The following ELOVL7 variants were observed in gnomAD, a reference collection of about 807,000 sequenced individuals.
The protein encoded by ELOVL7 is ELOVL fatty acid elongase 7.
ELOVL7 carries 27 observed loss-of-function variants against 35.7 expected under a neutral mutation model. The ratio of observed to expected loss-of-function variants is 0.76; its 90% CI spans 0.56 to 1.04. The LOEUF is 1.04. Ranked by LOEUF, ELOVL7 falls within the 50% of genes least tolerant of loss-of-function variation. The probability of loss-of-function intolerance (pLI) is 0.00; values close to 1 mark genes in which losing one functional copy is unlikely to be tolerated. For synonymous variants in ELOVL7, 113 were observed against 114.6 expected (o/e 0.99, Z 0.09); for missense variants, 327 against 340.8 (o/e 0.96, Z 0.32).
chr5:60,765,991 G>C (rs945848002), intron 6 of ELOVL7, among the ~76,000 whole-genome samples: 2 of 152,092 alleles, frequency 1.3e-5, no homozygotes, highest in Non-Finnish European at 2.9e-5. Flanking sequence ...TTTGTGACAC[G>C]TGCTTCTCCC....
At position 60,811,283 on chromosome 5, in the gene ELOVL7, T is replaced by G. The variant is rs374598191; in HGVS notation, c.-85-12053A>C. On this transcript the variant is annotated intron_variant, in intron 1 of 8. Coordinates refer to ENST00000508821, the MANE Select transcript of ELOVL7 (RefSeq NM_024930.3). ...TATGTGTGTGTTTATGCACATACTA[T>G]ATATATACTACTATATATAGCATAG... Among the ~76,000 whole-genome samples the G allele has an allele frequency of 6.6e-4, 100 of 152,294 alleles. 4 individuals carry two copies. The South Asian group carries it at 0.02, about 31-fold the overall frequency.
At position 60,814,178 on chromosome 5, in the gene ELOVL7, G is replaced by A. The variant is rs571901650; in HGVS notation, c.-85-14948C>T. Among the ~76,000 whole-genome samples the A allele has an allele frequency of 1.5e-4, 23 of 152,242 alleles. No homozygotes were observed. The South Asian group carries it at 3.9e-3, about 26-fold the overall frequency. On this transcript the variant is annotated intron_variant, in intron 1 of 8. Coordinates refer to ENST00000508821, the MANE Select transcript of ELOVL7 (RefSeq NM_024930.3). Reference sequence around the variant, plus strand: ...TCTTTTGCAAAAAGAAAGCTGTCTTGATTAAAGTTTTAAAAATCGGTGGTT... The same window carrying A: ...TCTTTTGCAAAAAGAAAGCTGTCTTAATTAAAGTTTTAAAAATCGGTGGTT...
intron 7 of ELOVL7, among the ~76,000 whole-genome samples, chr5:60,763,471 T>G (rs1742046143): frequency 6.6e-6 from 1 of 152,214 alleles, no homozygotes; most frequent in Non-Finnish European, 1.5e-5. Flanking sequence ...GCTATAGGTC[T>G]ATTTGAAGAC....
chr5:60,836,448 A>G (rs1490757075), intron 1 of ELOVL7, among the ~76,000 whole-genome samples: 1 of 152,076 alleles, frequency 6.6e-6, no homozygotes, highest in East Asian at 1.9e-4. Flanking sequence ...AGCTAACTGA[A>G]TGATAAGCAG....
At chr5:60,756,133 G>T (rs776489463) in intron 8 of ELOVL7, among the ~76,000 whole-genome samples, 12 of 104,334 alleles carry the variant, frequency 1.2e-4, no homozygotes, top group Non-Finnish European at 1.2e-4. Flanking sequence ...GTGTATAATA[G>T]ACATATTTGA....
chr5:60,766,447 G>T, intron 6 of ELOVL7, 127 bp downstream of exon 6: 1 of 736,570 alleles, frequency 1.4e-6, no homozygotes, highest in South Asian at 2.3e-5. Flanking sequence ...TGCCTGAATA[G>T]GAGAAATAAC....
At chr5:60,762,000 G>C (rs1208030859) in intron 7 of ELOVL7, among the ~76,000 whole-genome samples, 4 of 152,000 alleles carry the variant, frequency 2.6e-5, no homozygotes, top group African/African-American at 9.7e-5. Context: ...TTATGGCTAG[G>C]GGTCATGATG....
intron 2 of ELOVL7, among the ~76,000 whole-genome samples, chr5:60,790,668 G>A (rs1743883401): frequency 6.6e-6 from 1 of 152,072 alleles, no homozygotes; most frequent in Non-Finnish European, 1.5e-5. Context: ...CATCTCTATA[G>A]CAAAGGTGTA....
chr5:60,756,363 G>A (rs972082435), intron 8 of ELOVL7, among the ~76,000 whole-genome samples: 4 of 152,024 alleles, frequency 2.6e-5, no homozygotes, highest in Non-Finnish European at 5.9e-5. Context: ...ATTATCCCTG[G>A]GTGGCAGAAT....
Position 60,753,886 on chromosome 5 carries a change from C to T in ELOVL7, c.*738G>A, listed in dbSNP as rs1741382470. 1 of 152,156 alleles carries T rather than the reference C, an allele frequency of 6.6e-6. No homozygotes were observed. The highest frequency in any genetic ancestry group is 2.4e-5 in the African/African-American group (1 of 41,434). The allele number at this position is 152,156 out of a possible 1,614,324, so 9.4% of individuals were successfully genotyped here. A position where few individuals can be genotyped will look rare whatever the true frequency, so the allele number is the denominator to read the frequency against. On this transcript the variant is annotated 3_prime_UTR_variant, in exon 9 of 9. Coordinates refer to ENST00000508821, the MANE Select transcript of ELOVL7 (RefSeq NM_024930.3). ...ACAGTAATAGCAAAGTATTCATTAA[C>T]CCATTAAAACAAATCACCTTGTTTT...
chr5:60,795,686 T>C (rs1390005891), intron 2 of ELOVL7, among the ~76,000 whole-genome samples: 3 of 152,212 alleles, frequency 2.0e-5, no homozygotes, highest in Non-Finnish European at 4.4e-5. Context: ...CGGCAGGGTG[T>C]CCACTGTGCT....
At chr5:60,821,625 CCT>C (rs1745894617) in intron 1 of ELOVL7, among the ~76,000 whole-genome samples, 1 of 152,226 alleles carries the variant, frequency 6.6e-6, no homozygotes. Context: ...CTTCTGAGCC[CCT>C]GACATAAGCT....
chr5:60,765,541 G>C lies in ELOVL7; in HGVS notation c.393+1033C>G, dbSNP rs1037401502. ...GTGGGCTGGAACCACCAGAATACAG[G>C]CTCTCAAAACATGGTCCCTGGACCA... On this transcript the variant is annotated intron_variant, in intron 6 of 8. Transcript: ENST00000508821. Among the ~76,000 whole-genome samples the C allele has an allele frequency of 5.3e-5, 8 of 152,240 alleles. No individual in the cohort carries two copies. The South Asian group carries it at 1.5e-3, about 28-fold the overall frequency.
Position 60,787,338 on chromosome 5 carries a change from A to T in ELOVL7, c.60T>A (p.Asp20Glu). The T allele has an allele frequency of 1.9e-6, 3 of 1,596,318 alleles. No individual in the cohort carries two copies. Among genetic ancestry groups the T allele is most frequent in the Middle Eastern group, 1.7e-4 (1 of 6,028 alleles). Residue 20 changes from aspartate to glutamate, a missense_variant, in exon 3 of 9, where the codon GAT (aspartate) becomes GAA (glutamate). By Grantham distance (45) the Asp-to-Glu change is conservative. Transcript: ENST00000508821. ...TTAGGAAATGTGGTTACTCACCAGC[A>T]TCTTTGATCCAATTATCATAAAGAT... ...TVHLYDNWIK[D>E]ADPRVEDWLL...
chr5:60,786,845 G>A (rs1439548706), intron 3 of ELOVL7, among the ~76,000 whole-genome samples: 2 of 152,052 alleles, frequency 1.3e-5, no homozygotes, highest in East Asian at 1.9e-4. Flanking sequence ...GGGAGGCTCA[G>A]GCAGAAGAAT....
intron 1 of ELOVL7, among the ~76,000 whole-genome samples, chr5:60,824,968 T>C: frequency 6.6e-6 from 1 of 152,002 alleles, no homozygotes; most frequent in East Asian, 1.9e-4. Flanking sequence ...TTCTTTTTTT[T>C]TTTTTGAGAC....
chr5:60,759,711 A>G (rs1201559016), intron 7 of ELOVL7, among the ~76,000 whole-genome samples: 4 of 151,824 alleles, frequency 2.6e-5, no homozygotes, highest in Non-Finnish European at 4.4e-5. Flanking sequence ...ATATGTATAC[A>G]TGTGCCACGC....
At chr5:60,840,244 A>T (rs1183400978) in intron 1 of ELOVL7, among the ~76,000 whole-genome samples, 1 of 152,172 alleles carries the variant, frequency 6.6e-6, no homozygotes, top group Non-Finnish European at 1.5e-5. Context: ...TATTATTTGG[A>T]CATTGAATTT....
Position 60,752,955 on chromosome 5 carries a change from TAATA to T in ELOVL7, c.*1665_*1668del, listed in dbSNP as rs1009762694. ...TAAAACTCTGCTTCAGAAAAAAAAA[TAATA>T]AATTATATATATATATGTAATTACT... On this transcript the variant is annotated 3_prime_UTR_variant, in exon 9 of 9. Transcript: ENST00000508821. The T allele has an allele frequency of 7.3e-5, 11 of 150,880 alleles. No homozygotes were observed. The highest frequency in any genetic ancestry group is 2.7e-4 in the African/African-American group (11 of 40,810). 9.3% of individuals were successfully genotyped at this position (150,880 alleles called of 1,614,324 possible). A position where few individuals can be genotyped will look rare whatever the true frequency, so the allele number is the denominator to read the frequency against.
Sources: gnomAD v4.1 joint callset for allele counts (sites outside exome capture counted in the v4.1 genomes callset) on GRCh38, gnomAD v4.1.1 for gene constraint, MANE v1.5 for transcripts, NCBI Gene and HGNC (gene_info 2026-07-23, HGNC 2026-07-21) for gene names.